The following TENM1 variants were observed in gnomAD, a reference collection of about 807,000 sequenced individuals.
The protein encoded by TENM1 is teneurin transmembrane protein 1.
In TENM1, 35 loss-of-function variants were observed where a neutral mutation model predicts 174.8. The observed-to-expected ratio is 0.20, with a 90% CI of 0.15 to 0.27. The LOEUF is 0.27. TENM1 is among the 10% of genes least tolerant of loss of function. The probability of loss-of-function intolerance (pLI) is 1.00; values close to 1 mark genes in which losing one functional copy is unlikely to be tolerated. For missense variants in TENM1, 1,633 were observed against 2,130.1 expected, an observed-to-expected ratio of 0.77 and a Z score of 4.59; for synonymous variants, 781 against 798.7, an observed-to-expected ratio of 0.98 and a Z score of 0.37.
chrX:124,773,883 T>C (rs1011814685), intron 3 of TENM1, among the ~76,000 whole-genome samples: 2 of 111,995 alleles, frequency 1.8e-5, no homozygotes, highest in African/African-American at 6.5e-5. Context: ...CAAGGATGGA[T>C]TTAGAGTTGA....
At chrX:124,920,911 A>T in intron 1 of TENM1, among the ~76,000 whole-genome samples, 1 of 104,526 alleles carries the variant, frequency 9.6e-6, no homozygotes, top group Admixed American at 1.0e-4. Flanking sequence ...CAATTTTTAC[A>T]TTATCAAATC....
At chrX:125,001,852 T>TAGATACACACACACAC in the TENM1 span, among the ~76,000 whole-genome samples, 65 of 84,923 alleles carry the variant, frequency 7.7e-4, 1 homozygote, top group African/African-American at 2.8e-3. Flanking sequence ...TATAGATAGA[T>TAGATACACACACACAC]ACACACACAC....
chrX:124,600,163 T>C (rs919479012), intron 11 of TENM1, among the ~76,000 whole-genome samples: 1 of 110,279 alleles, frequency 9.1e-6, no homozygotes, highest in Non-Finnish European at 1.9e-5. Context: ...GGCTTCTAAA[T>C]ACCACGCCGA....
chrX:124,887,617 G>A (rs115975651), intron 3 of TENM1, among the ~76,000 whole-genome samples: 3 of 111,644 alleles, frequency 2.7e-5, no homozygotes, highest in Non-Finnish European at 5.6e-5. Flanking sequence ...ATAATGGCTT[G>A]AAATTCAGTA....
intron 4 of TENM1, among the ~76,000 whole-genome samples, chrX:124,734,912 T>A (rs1235338359): frequency 1.8e-5 from 2 of 111,762 alleles, no homozygotes; most frequent in Non-Finnish European, 3.8e-5. Flanking sequence ...GAAACTGGAC[T>A]CCTATCCCTC....
rs2048917613 is a variant in TENM1, at chrX:124,565,367, G to A, written c.2263+8C>T. 4 of 1,172,121 alleles carry A rather than the reference G, an allele frequency of 3.4e-6. No individual in the cohort carries two copies. The East Asian group carries it at 1.2e-4, about 37-fold the overall frequency. On this transcript the variant is annotated splice_region_variant and intron_variant, in intron 12 of 31. Transcript: ENST00000422452. ...AACTTACTTTGGTTAAAGTATGGTGGTACTTACCAATTGTGCAGTGGTCGC... is the reference window on the plus strand; with the variant it reads ...AACTTACTTTGGTTAAAGTATGGTGATACTTACCAATTGTGCAGTGGTCGC...
At chrX:124,469,624 C>A (rs182841883) in intron 22 of TENM1, among the ~76,000 whole-genome samples, 2 of 111,043 alleles carry the variant, frequency 1.8e-5, no homozygotes, top group Admixed American at 9.7e-5. Flanking sequence ...ATCTTTACGA[C>A]AGGAAGATTC....
At chrX:124,420,707 C>A in exon 25 of TENM1, 1 of 1,211,608 alleles carries the variant, frequency 8.3e-7, no homozygotes, top group Non-Finnish European at 1.1e-6. Context: ...TTGGTTCCTG[C>A]TGATGGTACG....
chrX:124,870,972 A>T (rs2057098471), intron 3 of TENM1, among the ~76,000 whole-genome samples: 1 of 111,675 alleles, frequency 9.0e-6, no homozygotes. Flanking sequence ...CATAATCTCA[A>T]ATCTTTATCT....
intron 28 of TENM1, among the ~76,000 whole-genome samples, chrX:124,387,786 C>A (rs1320302848): frequency 1.8e-5 from 2 of 112,208 alleles, no homozygotes; most frequent in Non-Finnish European, 3.8e-5. Flanking sequence ...ATTACGCCTG[C>A]AGAGCCAGAG....
intron 11 of TENM1, among the ~76,000 whole-genome samples, chrX:124,614,936 T>C (rs866000850): frequency 9.0e-6 from 1 of 111,479 alleles, no homozygotes; most frequent in Non-Finnish European, 1.9e-5. Flanking sequence ...GAGCCAAGGA[T>C]AGAGACCAGG....
chrX:124,408,915 C>A (rs2060496887), intron 25 of TENM1, among the ~76,000 whole-genome samples: 1 of 100,511 alleles, frequency 9.9e-6, no homozygotes, highest in East Asian at 3.3e-4. Context: ...TGAGAACATG[C>A]AGTGTTTGGT....
chrX:124,887,946 A>T (rs2057416055), intron 3 of TENM1, among the ~76,000 whole-genome samples: 1 of 111,875 alleles, frequency 8.9e-6, no homozygotes, highest in African/African-American at 3.2e-5. Flanking sequence ...TTACACTACC[A>T]GGGGAAAACA....
chrX:125,050,487 G>T, the TENM1 span, among the ~76,000 whole-genome samples: 1 of 111,157 alleles, frequency 9.0e-6, no homozygotes, highest in Non-Finnish European at 1.9e-5. Flanking sequence ...CAAAGGACAT[G>T]AACTCATCCT....
the TENM1 span, among the ~76,000 whole-genome samples, chrX:125,010,537 G>A: frequency 2.4e-4 from 26 of 109,331 alleles, no homozygotes; most frequent in African/African-American, 6.0e-4. Flanking sequence ...AAAACAGGCC[G>A]GGCGCAGTGG....
chrX:125,098,220 T>C, the TENM1 span, among the ~76,000 whole-genome samples: 30,050 of 110,513 alleles, frequency 0.27, 3,313 homozygotes, highest in African/African-American at 0.41. Flanking sequence ...GCTGAGATAG[T>C]GCTACTGCAC....
chrX:125,183,760 ACAATTGCTTTAAAT>A, the TENM1 span, among the ~76,000 whole-genome samples: 1 of 112,078 alleles, frequency 8.9e-6, no homozygotes, highest in East Asian at 2.8e-4. Flanking sequence ...ATTAGAATAC[ACAATTGCTTTAAAT>A]CAAGGAAAAA....
chrX:124,888,956 C>A (rs1452005343), intron 3 of TENM1, among the ~76,000 whole-genome samples: 1 of 112,342 alleles, frequency 8.9e-6, no homozygotes, highest in Non-Finnish European at 1.9e-5. Context: ...AAACCTAGGT[C>A]TGTCTTACAT....
the TENM1 span, among the ~76,000 whole-genome samples, chrX:125,031,917 T>G: frequency 8.9e-6 from 1 of 111,843 alleles, no homozygotes; most frequent in Admixed American, 9.5e-5. Flanking sequence ...AGTAATAGAA[T>G]GTGTTCCATT....
Sources: allele counts gnomAD v4.1 joint callset (sites outside exome capture counted in the v4.1 genomes callset), GRCh38; gene constraint gnomAD v4.1.1; transcripts MANE v1.5; gene names NCBI Gene and HGNC (gene_info 2026-07-23, HGNC 2026-07-21).